Variants in ABCB11 observed in about 807,000 individuals in gnomAD.
ABCB11 encodes ATP binding cassette subfamily B member 11, also known as bile salt export pump.
ABCB11 carries 95 observed loss-of-function variants against 148.0 expected under a neutral mutation model. That is an observed-to-expected ratio of 0.64 (90% CI 0.54 to 0.76). The LOEUF is 0.76. ABCB11 is among the 30% of genes least tolerant of loss of function. The pLI, the probability that ABCB11 is intolerant of heterozygous loss-of-function variation, is 0.00. For missense variants in ABCB11, 1,523 were observed against 1,617.8 expected, an observed-to-expected ratio of 0.94 and a Z score of 1.01; for synonymous variants, 591 against 555.4, an observed-to-expected ratio of 1.06 and a Z score of -0.90.
intron 1 of ABCB11, among the ~76,000 whole-genome samples, chr2:169,028,333 G>A (rs151060540): frequency 2.1e-3 from 327 of 152,136 alleles, no homozygotes; most frequent in African/African-American, 7.5e-3. Context: ...AGTGAGGAAA[G>A]GGGAAATACA....
chr2:168,971,523 G>T (rs938168233), intron 14 of ABCB11, among the ~76,000 whole-genome samples: 4 of 151,998 alleles, frequency 2.6e-5, no homozygotes, highest in African/African-American at 9.7e-5. Context: ...TTAGACAAAT[G>T]CTTAATAAAA....
At chr2:168,994,771 G>A (rs1248460868) in intron 7 of ABCB11, among the ~76,000 whole-genome samples, 1 of 152,000 alleles carries the variant, frequency 6.6e-6, no homozygotes, top group Non-Finnish European at 1.5e-5. Flanking sequence ...GGAGTGAAGA[G>A]AGCTTGGAAC....
chr2:168,944,146 T>G (rs1053277362), intron 21 of ABCB11, among the ~76,000 whole-genome samples: 1 of 151,962 alleles, frequency 6.6e-6, no homozygotes, highest in Non-Finnish European at 1.5e-5. Flanking sequence ...ATAAAAATCG[T>G]TTATTTCTTT....
chr2:169,025,019 A>AT (rs3836045), intron 1 of ABCB11, among the ~76,000 whole-genome samples: 2,799 of 151,738 alleles, frequency 0.018, 75 homozygotes, highest in African/African-American at 0.063. Context: ...TTTTAACCAA[A>AT]TTTTTTTTTC....
In ABCB11 at chr2:168,936,245, C is replaced by A. The variant is rs1057164807; in HGVS notation, c.2799G>T (p.Leu933=). 2.5e-6 allele frequency: 4 copies of A among 1,613,570 alleles called. No homozygotes were observed. In the African/African-American group the frequency reaches 5.3e-5, roughly 22 times the overall value. The stretch of plus-strand genomic sequence containing the variant: ...GCAAGATTACCTGTCCCACCATCTC[C>A]AGGGCCTGCTTATCTCGAGAGGCAA... ...TGFASRDKQA[L]EMVGQITNEA... Residue 933 remains leucine (L), a synonymous_variant, in exon 22 of 28, where the codon CTG becomes CTT. Transcript: ENST00000650372.
intron 21 of ABCB11, among the ~76,000 whole-genome samples, chr2:168,940,550 A>G (rs2685805): frequency 0.5 from 75,235 of 151,908 alleles, 19,578 homozygotes; most frequent in South Asian, 0.66. Context: ...GGAAAAAAGC[A>G]TCTCCACAAT....
chr2:168,940,421 T>A (rs1421274693), intron 21 of ABCB11, among the ~76,000 whole-genome samples: 1 of 152,118 alleles, frequency 6.6e-6, no homozygotes, highest in African/African-American at 2.4e-5. Flanking sequence ...AGATCAAACC[T>A]GCTACAACAT....
chr2:169,000,291 A>G (rs1454257242), intron 5 of ABCB11, among the ~76,000 whole-genome samples: 3 of 152,032 alleles, frequency 2.0e-5, no homozygotes, highest in African/African-American at 7.2e-5. Context: ...TCTTTTACAA[A>G]GTTTTTAATT....
At chr2:168,955,471 T>C (rs567584762) in intron 19 of ABCB11, among the ~76,000 whole-genome samples, 3 of 151,676 alleles carry the variant, frequency 2.0e-5, no homozygotes, top group African/African-American at 7.2e-5. Context: ...CGCTACACAC[T>C]TTTATCAGAT....
At chr2:168,964,591 A>AG (rs1326605267) in intron 17 of ABCB11, among the ~76,000 whole-genome samples, 2 of 149,384 alleles carry the variant, frequency 1.3e-5, no homozygotes, top group Non-Finnish European at 1.5e-5. Flanking sequence ...CTGTCCTACC[A>AG]GTTCATCAAA....
At chr2:168,936,475 C>G in intron 21 of ABCB11, 42 bp from the exon 22 acceptor site, 1 of 1,594,006 alleles carries the variant, frequency 6.3e-7, no homozygotes, top group Non-Finnish European at 8.6e-7. Flanking sequence ...GACACACAGT[C>G]GCTTTTACCA....
intron 9 of ABCB11, 97 bp from the exon 10 acceptor site, chr2:168,986,381 T>TA (rs1384939839): frequency 9.4e-7 from 1 of 1,066,708 alleles, no homozygotes; most frequent in African/African-American, 1.6e-5. Context: ...AAAATGATCA[T>TA]AAAATCATCG....
At chr2:168,963,669 A>G (rs1693172125) in intron 18 of ABCB11, among the ~76,000 whole-genome samples, 1 of 151,778 alleles carries the variant, frequency 6.6e-6, no homozygotes, top group Non-Finnish European at 1.5e-5. Flanking sequence ...TCTTAAAACC[A>G]TTATAAAAAT....
At chr2:168,972,331 TAAAG>T (rs1693619039) in intron 13 of ABCB11, among the ~76,000 whole-genome samples, 1 of 151,294 alleles carries the variant, frequency 6.6e-6, no homozygotes, top group South Asian at 2.1e-4. Context: ...TTGATTCCAG[TAAAG>T]AGTAGAGACA....
chr2:168,961,450 T>C (rs1285653943), intron 18 of ABCB11, among the ~76,000 whole-genome samples: 1 of 151,748 alleles, frequency 6.6e-6, no homozygotes, highest in African/African-American at 2.4e-5. Flanking sequence ...GTCCCATCTC[T>C]GTCTTATCTT....
chr2:168,923,535 G>A lies in ABCB11; in HGVS notation c.*87C>T, dbSNP rs1691162674. On this transcript the variant is annotated 3_prime_UTR_variant, in exon 28 of 28. Coordinates refer to ENST00000650372, the MANE Select transcript of ABCB11 (RefSeq NM_003742.4). ...CTTCTTTAAAGAAAAAACAATCCCA[G>A]CAATCCCTCCTGCTGGGATTGTTTT... 11 of 1,209,790 alleles carry A rather than the reference G, an allele frequency of 9.1e-6. No homozygotes were observed. The highest frequency in any genetic ancestry group is 1.3e-5 in the Non-Finnish European group (11 of 840,488). 74.9% of individuals were successfully genotyped at this position (1,209,790 alleles called of 1,614,324 possible). A position where few individuals can be genotyped will look rare whatever the true frequency, so the allele number is the denominator to read the frequency against.
chr2:168,923,705 T>C lies in ABCB11; in HGVS notation c.3883A>G (p.Ile1295Val). The change falls in exon 28 of 28, where the codon ATT becomes GTT. Residue 1295 changes from isoleucine to valine, a missense_variant. Coordinates refer to ENST00000650372, the MANE Select transcript of ABCB11 (RefSeq NM_003742.4). ...AGTTCTTCATGGGTCCCCTTTTCAA[T>C]CACCACCCCCTGTGCCATGACAGCA... ...IIAVMAQGVV[I>V]EKGTHEELMA... 1 of 1,613,768 alleles carries C rather than the reference T, an allele frequency of 6.2e-7. No individual in the cohort carries two copies. The highest frequency in any genetic ancestry group is 8.5e-7 in the Non-Finnish European group (1 of 1,179,840).
At chr2:168,937,605 G>A (rs184668950) in intron 21 of ABCB11, among the ~76,000 whole-genome samples, 4 of 152,356 alleles carry the variant, frequency 2.6e-5, no homozygotes, top group Admixed American at 2.6e-4. Context: ...GGCTACACAT[G>A]TGTCAAGTAC....
At chr2:168,998,305 A>G (rs1450637241) in intron 5 of ABCB11, among the ~76,000 whole-genome samples, 1 of 151,912 alleles carries the variant, frequency 6.6e-6, no homozygotes, top group Admixed American at 6.6e-5. Context: ...AGAGCAGTGG[A>G]GGGGGAGGGA....
Sources: gnomAD v4.1 joint callset for allele counts (sites outside exome capture counted in the v4.1 genomes callset) on GRCh38, gnomAD v4.1.1 for gene constraint, MANE v1.5 for transcripts, NCBI Gene and HGNC (gene_info 2026-07-23, HGNC 2026-07-21) for gene names.